The following ZC3H12B variants were observed in gnomAD, a reference collection of about 807,000 sequenced individuals.
ZC3H12B encodes zinc finger CCCH-type containing 12B.
ZC3H12B carries 7 observed loss-of-function variants against 43.9 expected under a neutral mutation model. The observed-to-expected ratio is 0.16, with a 90% CI of 0.09 to 0.30. The LOEUF is 0.30. Among genes scored for constraint, ZC3H12B ranks in the 10% least tolerant of loss-of-function variants. The probability of loss-of-function intolerance (pLI) is 1.00; values close to 1 mark genes in which losing one functional copy is unlikely to be tolerated. For missense variants in ZC3H12B, 475 were observed against 670.2 expected (o/e 0.71, Z 3.22); for synonymous variants, 222 against 241.7 (o/e 0.92, Z 0.76).
chrX:65,226,974 G>A, the ZC3H12B span, among the ~76,000 whole-genome samples: 1 of 110,779 alleles, frequency 9.0e-6, no homozygotes, highest in Non-Finnish European at 1.9e-5. Flanking sequence ...ACAGATCAAC[G>A]AGACAGAAAG....
At chrX:65,259,992 G>A in the ZC3H12B span, among the ~76,000 whole-genome samples, 152 of 111,731 alleles carry the variant, frequency 1.4e-3, 1 homozygote, top group African/African-American at 4.9e-3. Context: ...AATATCATAT[G>A]TTCTCACTCA....
the ZC3H12B span, among the ~76,000 whole-genome samples, chrX:65,256,050 T>A: frequency 1.8e-5 from 2 of 111,885 alleles, no homozygotes; most frequent in East Asian, 5.6e-4. Context: ...GTTCTCAGAA[T>A]CCTATGAAGA....
chrX:65,088,310 C>T, the ZC3H12B span, among the ~76,000 whole-genome samples: 1 of 111,282 alleles, frequency 9.0e-6, no homozygotes, highest in East Asian at 2.9e-4. Context: ...GCAAACTACG[C>T]AGACCTACTT....
intron 3 of ZC3H12B, among the ~76,000 whole-genome samples, chrX:65,437,769 A>G (rs1332861689): frequency 9.0e-6 from 1 of 110,673 alleles, no homozygotes; most frequent in Non-Finnish European, 1.9e-5. Context: ...CCATTCATCC[A>G]TTTTTGCTTT....
intron 3 of ZC3H12B, among the ~76,000 whole-genome samples, chrX:65,427,441 A>G (rs773477883): frequency 9.1e-6 from 1 of 110,433 alleles, no homozygotes; most frequent in Non-Finnish European, 1.9e-5. Flanking sequence ...AGATTCTTCC[A>G]CCTCAGCCTC....
At chrX:65,172,507 C>A in the ZC3H12B span, among the ~76,000 whole-genome samples, 1 of 112,138 alleles carries the variant, frequency 8.9e-6, no homozygotes, top group Admixed American at 9.5e-5. Flanking sequence ...TTTGCCCATA[C>A]CTATGTCCTG....
the ZC3H12B span, among the ~76,000 whole-genome samples, chrX:65,236,395 G>A: frequency 9.0e-6 from 1 of 111,502 alleles, no homozygotes; most frequent in African/African-American, 3.3e-5. Context: ...TTTAAATGGG[G>A]TTGTTTTTTT....
the ZC3H12B span, among the ~76,000 whole-genome samples, chrX:65,310,217 T>G: frequency 8.9e-6 from 1 of 112,008 alleles, no homozygotes; most frequent in Non-Finnish European, 1.9e-5. Flanking sequence ...ATTGTCCCTG[T>G]GTGCAGATGA....
At chrX:65,498,968 T>C in intron 2 of ZC3H12B, 31 bp from the exon 8 acceptor site, 1 of 1,093,902 alleles carries the variant, frequency 9.1e-7, no homozygotes, top group East Asian at 3.0e-5. Flanking sequence ...AGATGATTTC[T>C]GCTCTGTGGC....
At chrX:65,184,183 G>A in the ZC3H12B span, among the ~76,000 whole-genome samples, 6 of 111,082 alleles carry the variant, frequency 5.4e-5, no homozygotes, top group African/African-American at 2.0e-4. Context: ...ACTTGTTTGA[G>A]GTATGTTATC....
intron 3 of ZC3H12B, among the ~76,000 whole-genome samples, chrX:65,426,268 GA>G: frequency 9.2e-6 from 1 of 108,528 alleles, no homozygotes; most frequent in South Asian, 4.1e-4. Flanking sequence ...AGCATTCTCT[GA>G]TGGTTGTTTG....
chrX:65,288,327 G>A, the ZC3H12B span, among the ~76,000 whole-genome samples: 1 of 110,720 alleles, frequency 9.0e-6, no homozygotes, highest in Non-Finnish European at 1.9e-5. Flanking sequence ...TTACCCTGAG[G>A]CAAAAACCAG....
At chrX:65,413,026 G>C (rs1436834224) in intron 3 of ZC3H12B, among the ~76,000 whole-genome samples, 4 of 110,495 alleles carry the variant, frequency 3.6e-5, no homozygotes, top group Non-Finnish European at 7.6e-5. Flanking sequence ...GTTATGATTT[G>C]CATTTCCCTA....
the ZC3H12B span, among the ~76,000 whole-genome samples, chrX:65,264,986 C>G: frequency 9.0e-6 from 1 of 111,669 alleles, no homozygotes; most frequent in African/African-American, 3.3e-5. Context: ...AATAGTCACA[C>G]AGCAAAACAG....
intron 2 of ZC3H12B, among the ~76,000 whole-genome samples, chrX:65,375,886 G>T (rs796821893): frequency 9.0e-6 from 1 of 111,589 alleles, no homozygotes; most frequent in East Asian, 2.9e-4. Flanking sequence ...GCTACAGTGA[G>T]AGACTCCTCC....
At chrX:65,048,568 T>A in the ZC3H12B span, among the ~76,000 whole-genome samples, 2 of 111,636 alleles carry the variant, frequency 1.8e-5, no homozygotes, top group African/African-American at 6.5e-5. Flanking sequence ...ATAACACTTG[T>A]TATTTCCTTT....
the ZC3H12B span, among the ~76,000 whole-genome samples, chrX:65,091,714 C>G: frequency 2.7e-5 from 3 of 111,148 alleles, no homozygotes; most frequent in South Asian, 1.1e-3. Flanking sequence ...TGTCCAAGAT[C>G]ATACAAAAAA....
At chrX:65,284,483 C>T in the ZC3H12B span, among the ~76,000 whole-genome samples, 4 of 111,538 alleles carry the variant, frequency 3.6e-5, no homozygotes, top group Non-Finnish European at 1.9e-5. Flanking sequence ...GAGACAAGGC[C>T]GGGCACGGTG....
chrX:65,062,874 A>G, the ZC3H12B span, among the ~76,000 whole-genome samples: 1 of 111,604 alleles, frequency 9.0e-6, no homozygotes, highest in Non-Finnish European at 1.9e-5. Context: ...GAAGTCCTTC[A>G]TGTCCCTTCT....
Sources: gnomAD v4.1 joint callset for allele counts (sites outside exome capture counted in the v4.1 genomes callset) on GRCh38, gnomAD v4.1.1 for gene constraint, MANE v1.5 for transcripts, NCBI Gene and HGNC (gene_info 2026-07-23, HGNC 2026-07-21) for gene names.